LHX9: variants seen among roughly 807,000 people sequenced by gnomAD.
The protein encoded by LHX9 is LIM homeobox 9, also known as LIM/homeobox protein Lhx9.
LHX9 carries 9 observed loss-of-function variants against 36.5 expected under a neutral mutation model. That is an observed-to-expected ratio of 0.25 (90% CI 0.15 to 0.43). The LOEUF (loss-of-function observed/expected upper bound fraction) is 0.43, where lower values mean the gene tolerates loss of function less well. Among genes scored for constraint, LHX9 ranks in the 20% least tolerant of loss-of-function variants. LHX9 has a pLI of 1.00. For missense variants in LHX9, 464 were observed against 526.4 expected (o/e 0.88, Z 1.16); for synonymous variants, 211 against 212.1 (o/e 0.99, Z 0.04).
intron 4 of LHX9, among the ~76,000 whole-genome samples, chr1:197,928,446 TAGC>T (rs1274713028): frequency 2.6e-5 from 4 of 152,244 alleles, no homozygotes; most frequent in Non-Finnish European, 4.4e-5. Flanking sequence ...TGGTGACAAA[TAGC>T]AGGCATTTTA....
chr1:197,917,621 G>T lies in LHX9; in HGVS notation c.-203G>T. 1 of 1,512,566 alleles carries T rather than the reference G, an allele frequency of 6.6e-7. No individual in the cohort carries two copies. 93.7% of individuals were successfully genotyped at this position (1,512,566 alleles called of 1,614,324 possible). A position where few individuals can be genotyped will look rare whatever the true frequency, so the allele number is the denominator to read the frequency against. On this transcript the variant is annotated 5_prime_UTR_variant, in exon 1 of 5. Transcript: ENST00000367387. Reference sequence around the variant, plus strand: ...TGCACATCTCCTTCAGGGAGCCGCTGAGGCTTCCCCCCAACTCTTCCCAGT... The same window carrying T: ...TGCACATCTCCTTCAGGGAGCCGCTTAGGCTTCCCCCCAACTCTTCCCAGT...
rs935782911 is a variant in LHX9, at chr1:197,934,968, G to T, written c.*5709G>T. The stretch of plus-strand genomic sequence containing the variant: ...CCGTTTTATTTTATGAGGTTCCCTG[G>T]CAGTTGGGGGGGTGGTGAGGTTGGG... On this transcript the variant is annotated 3_prime_UTR_variant, in exon 5 of 5. Transcript: ENST00000367387. 1 of 151,948 alleles carries T rather than the reference G, an allele frequency of 6.6e-6. No individual in the cohort carries two copies. The highest frequency in any genetic ancestry group is 2.4e-5 in the African/African-American group (1 of 41,348). The allele number at this position is 151,948 out of a possible 1,614,324, so 9.4% of individuals were successfully genotyped here. A position where few individuals can be genotyped will look rare whatever the true frequency, so the allele number is the denominator to read the frequency against.
intron 1 of LHX9, chr1:197,918,470 A>G: frequency 1.4e-6 from 1 of 696,882 alleles, no homozygotes; most frequent in Non-Finnish European, 2.7e-6. Flanking sequence ...TTCCGACGCG[A>G]CTGGGTCATT....
At chr1:197,917,261 T>G, upstream of LHX9, 3 of 1,218,496 alleles carry the variant, frequency 2.5e-6, no homozygotes, top group East Asian at 5.8e-5. Flanking sequence ...AGGTCTTTGT[T>G]GTCTGAATAA....
chr1:197,918,058 C>T (rs1557971350), intron 1 of LHX9, 61 bp downstream of exon 1: 1 of 1,552,348 alleles, frequency 6.4e-7, no homozygotes, highest in Non-Finnish European at 8.7e-7. Flanking sequence ...TTAAACCAAG[C>T]CGACTCCCTG....
intron 3 of LHX9, among the ~76,000 whole-genome samples, chr1:197,923,756 TAG>T (rs1380511588): frequency 6.6e-6 from 1 of 152,180 alleles, no homozygotes; most frequent in Non-Finnish European, 1.5e-5. Context: ...TGAAAATAAC[TAG>T]AGAGTACAAA....
rs368047494 is a variant in LHX9, at chr1:197,921,613, G to A, written c.687G>A (p.Lys229=). The change falls in exon 3 of 5, where the codon AAG becomes AAA. Residue 229 remains lysine, a synonymous_variant. Transcript: ENST00000367387. The surrounding 1 kb of genome is among the most constrained non-coding windows in gnomAD (Gnocchi z 4.6). ...CCGTGCAGAAAGGGCGGCCCCGGAA[G>A]CGGAAGAGCCCAGCGCTGGGAGTGG... The part of the protein sequence containing the change: ...TGTVQKGRPR[K]RKSPALGVDI... 28 of 1,604,586 alleles carry A rather than the reference G, an allele frequency of 1.7e-5. No homozygotes were observed. The highest frequency in any genetic ancestry group is 2.3e-5 in the Non-Finnish European group (27 of 1,177,938).
rs530779361 is a variant in LHX9 at position 197,931,611 on chromosome 1, A to G, written c.*2352A>G. Reference sequence around the variant, plus strand: ...CATACAAATAGTTTTTAGACTTCCAAACTTCTGATTCATATGAAATGTTAC... The same window carrying G: ...CATACAAATAGTTTTTAGACTTCCAGACTTCTGATTCATATGAAATGTTAC... On this transcript the variant is annotated 3_prime_UTR_variant, in exon 5 of 5. Transcript: ENST00000367387. 3.1e-4 allele frequency: 80 copies of G among 259,896 alleles called. 1 individual carries two copies. The highest frequency in any genetic ancestry group is 5.1e-4 in the Non-Finnish European group (70 of 137,404). The allele number at this position is 259,896 out of a possible 1,614,324, so 16.1% of individuals were successfully genotyped here. A position where few individuals can be genotyped will look rare whatever the true frequency, so the allele number is the denominator to read the frequency against.
chr1:197,919,567 C>G (rs1659899594), intron 1 of LHX9, among the ~76,000 whole-genome samples: 1 of 152,184 alleles, frequency 6.6e-6, no homozygotes, highest in South Asian at 2.1e-4. Flanking sequence ...AACCTGTGCT[C>G]GTTGAAATTT....
chr1:197,914,608 A>T (rs1202128895), upstream of LHX9, among the ~76,000 whole-genome samples: 1 of 152,128 alleles, frequency 6.6e-6, no homozygotes, highest in African/African-American at 2.4e-5. Flanking sequence ...ATTCGAGGGC[A>T]TTCCTTCCCA....
Position 197,931,826 on chromosome 1 carries a change from C to A in LHX9, c.*2567C>A. ...GATTTCATGTTAGGTCTATTGAGCA[C>A]AAATGGATATTTGTAAATCTAAATA... On this transcript the variant is annotated 3_prime_UTR_variant, in exon 5 of 5. Coordinates refer to ENST00000367387, the MANE Select transcript of LHX9 (RefSeq NM_020204.3). 1 of 856,982 alleles carries A rather than the reference C, an allele frequency of 1.2e-6. No homozygotes were observed. Among genetic ancestry groups the A allele is most frequent in the Non-Finnish European group, 1.9e-6 (1 of 531,314 alleles). 53.1% of individuals were successfully genotyped at this position (856,982 alleles called of 1,614,324 possible).
chr1:197,925,891 G>A (rs1660128408), intron 3 of LHX9, among the ~76,000 whole-genome samples: 1 of 152,126 alleles, frequency 6.6e-6, no homozygotes, highest in African/African-American at 2.4e-5. Context: ...TTGATTGAAT[G>A]CTTCTTGAGC....
In LHX9 at chr1:197,932,065, A is replaced by G. The variant is rs1422158085; in HGVS notation, c.*2806A>G. 1.1e-6 allele frequency: 1 copy of G among 889,084 alleles called. No homozygotes were observed. Among genetic ancestry groups the G allele is most frequent in the East Asian group, 2.8e-5 (1 of 36,330 alleles). 55.1% of individuals were successfully genotyped at this position (889,084 alleles called of 1,614,324 possible). A position where few individuals can be genotyped will look rare whatever the true frequency, so the allele number is the denominator to read the frequency against. ...GGTTATGATAATCATACATTAAAAA[A>G]TTTATTAAGCCAAAAAAAAAGAGAG... On this transcript the variant is annotated 3_prime_UTR_variant, in exon 5 of 5. Transcript: ENST00000367387.
intron 4 of LHX9, 92 bp from the exon 5 acceptor site, chr1:197,928,894 AAAAAAAAAAAAGAAAG>A (rs919688199): frequency 2.3e-6 from 2 of 885,996 alleles, no homozygotes; most frequent in Non-Finnish European, 2.8e-6. Flanking sequence ...AACCTATATC[AAAAAAAAAAAAGAAAG>A]AAAGAAAAAG....
chr1:197,924,975 A>G lies in LHX9; in HGVS notation c.734-2616A>G, dbSNP rs1195688647. On this transcript the variant is annotated intron_variant, in intron 3 of 4. Coordinates refer to ENST00000367387, the MANE Select transcript of LHX9 (RefSeq NM_020204.3). ...GAGAAACAGTCATTTGCAAGTTTAT[A>G]TAATGCATGTGTAGTTAAACATAAA... is the stretch of plus-strand genomic sequence containing the variant. Among the ~76,000 whole-genome samples, 2 of 48,782 alleles carry G rather than the reference A, an allele frequency of 4.1e-5. 1 individual carries two copies. Among genetic ancestry groups the G allele is most frequent in the Non-Finnish European group, 7.6e-5 (2 of 26,438 alleles). The allele number at this position is 48,782 out of a possible 152,430, so 32.0% of individuals were successfully genotyped here. A position where few individuals can be genotyped will look rare whatever the true frequency, so the allele number is the denominator to read the frequency against.
Position 197,932,926 on chromosome 1 carries a change from G to A in LHX9, c.*3667G>A, listed in dbSNP as rs1210515407. 6.6e-6 allele frequency: 1 copy of A among 151,976 alleles called. No individual in the cohort carries two copies. Among genetic ancestry groups the A allele is most frequent in the Admixed American group, 6.6e-5 (1 of 15,254 alleles). The allele number at this position is 151,976 out of a possible 1,614,324, so 9.4% of individuals were successfully genotyped here. A position where few individuals can be genotyped will look rare whatever the true frequency, so the allele number is the denominator to read the frequency against. On this transcript the variant is annotated 3_prime_UTR_variant, in exon 5 of 5. Coordinates refer to ENST00000367387, the MANE Select transcript of LHX9 (RefSeq NM_020204.3). ...TTATAGATCCTATGTGAGTTTACAT[G>A]TTTGCTATGCAATGAACAAATTTAT... is the stretch of plus-strand genomic sequence containing the variant.
upstream of LHX9, chr1:197,916,472 G>T (rs895874645): frequency 7.1e-5 from 41 of 576,650 alleles, 1 homozygote; most frequent in Non-Finnish European, 1.3e-4. Flanking sequence ...AAGCTCCCGG[G>T]AGTCCGCAAG....
In LHX9 at chr1:197,929,680, T is replaced by G; in HGVS notation, c.*421T>G. 5.4e-6 allele frequency: 5 copies of G among 924,242 alleles called. No homozygotes were observed. The highest frequency in any genetic ancestry group is 6.5e-6 in the Non-Finnish European group (5 of 774,076). The allele number at this position is 924,242 out of a possible 1,614,324, so 57.3% of individuals were successfully genotyped here. A position where few individuals can be genotyped will look rare whatever the true frequency, so the allele number is the denominator to read the frequency against. On this transcript the variant is annotated 3_prime_UTR_variant, in exon 5 of 5. Coordinates refer to ENST00000367387, the MANE Select transcript of LHX9 (RefSeq NM_020204.3). ...ATAAAGAACCAGATAATTAATTAGT[T>G]ACTTTTTAAATCTTGCAATTGTATG...
In LHX9 at chr1:197,921,699, C is replaced by G; in HGVS notation, c.733+40C>G. The G allele has an allele frequency of 6.7e-7, 1 of 1,481,626 alleles. No individual in the cohort carries two copies. The highest frequency in any genetic ancestry group is 2.4e-5 in the East Asian group (1 of 42,444). The allele number at this position is 1,481,626 out of a possible 1,614,324, so 91.8% of individuals were successfully genotyped here. Reference sequence around the variant, plus strand: ...CTCACCCCCGGCGCAGCCCCGGCCTCCCTGAGGAAAATTCGTAGAGCTCCT... The same window carrying G: ...CTCACCCCCGGCGCAGCCCCGGCCTGCCTGAGGAAAATTCGTAGAGCTCCT... On this transcript the variant is annotated intron_variant, in intron 3 of 4. Transcript: ENST00000367387. The surrounding 1 kb of genome is among the most constrained non-coding windows in gnomAD (Gnocchi z 4.6).
Sources: allele counts gnomAD v4.1 joint callset (sites outside exome capture counted in the v4.1 genomes callset), GRCh38; gene constraint gnomAD v4.1.1; non-coding constraint Gnocchi (gnomAD v3.1); transcripts MANE v1.5; gene names NCBI Gene and HGNC (gene_info 2026-07-23, HGNC 2026-07-21).